Variants in ERBB4 observed in about 807,000 individuals in gnomAD.
The protein encoded by ERBB4 is erb-b2 receptor tyrosine kinase 4, also known as receptor tyrosine-protein kinase erbB-4.
In ERBB4, 42 loss-of-function variants were observed where a neutral mutation model predicts 158.0. That is an observed-to-expected ratio of 0.27 (90% CI 0.21 to 0.34). The LOEUF is 0.34. Among genes scored for constraint, ERBB4 ranks in the 10% least tolerant of loss-of-function variants. The pLI is 1.00. For missense variants in ERBB4, 1,333 were observed against 1,624.1 expected (o/e 0.82, Z 3.08); for synonymous variants, 583 against 558.7 (o/e 1.04, Z -0.61).
intron 3 of ERBB4, among the ~76,000 whole-genome samples, chr2:211,863,419 T>C (rs1415725007): frequency 6.6e-6 from 1 of 152,222 alleles, no homozygotes; most frequent in East Asian, 1.9e-4. Flanking sequence ...AGCTTTGTTC[T>C]TCTGCTCTTC....
At chr2:212,409,998 A>C (rs2091451884) in intron 1 of ERBB4, among the ~76,000 whole-genome samples, 1 of 152,068 alleles carries the variant, frequency 6.6e-6, no homozygotes, top group Non-Finnish European at 1.5e-5. Flanking sequence ...GAAAACAATA[A>C]ATCTAAAAAA....
Position 211,591,274 on chromosome 2 carries a change from C to T in ERBB4, c.2301+27903G>A, listed in dbSNP as rs184216202. Among the ~76,000 whole-genome samples, 571 of 152,326 alleles carry T rather than the reference C, an allele frequency of 3.7e-3. 3 individuals carry two copies. The highest frequency in any genetic ancestry group is 0.01 in the Middle Eastern group (3 of 294). ...TTATACATTACAAACATCCATTTAT[C>T]TGCCAACGAAGGGGGATAGATTAGG... is the stretch of plus-strand genomic sequence containing the variant. On this transcript the variant is annotated intron_variant, in intron 19 of 27. Coordinates refer to ENST00000342788, the MANE Select transcript of ERBB4 (RefSeq NM_005235.3).
intron 20 of ERBB4, among the ~76,000 whole-genome samples, chr2:211,506,563 T>G (rs1219949749): frequency 6.6e-6 from 1 of 152,152 alleles, no homozygotes; most frequent in Non-Finnish European, 1.5e-5. Flanking sequence ...ATCAAGTTTC[T>G]GTATCATGGT....
intron 4 of ERBB4, among the ~76,000 whole-genome samples, chr2:211,769,392 C>T (rs2075636015): frequency 1.3e-5 from 2 of 152,174 alleles, no homozygotes; most frequent in South Asian, 4.1e-4. Flanking sequence ...TTGTCCATTT[C>T]CAAAGTTGCT....
intron 3 of ERBB4, among the ~76,000 whole-genome samples, chr2:211,850,536 C>T (rs889338291): frequency 6.6e-6 from 1 of 151,816 alleles, no homozygotes; most frequent in Admixed American, 6.6e-5. Flanking sequence ...CAGCTTTCTA[C>T]AGGCATTCAG....
intron 20 of ERBB4, among the ~76,000 whole-genome samples, chr2:211,526,151 G>A (rs1377009319): frequency 6.6e-6 from 1 of 152,056 alleles, no homozygotes; most frequent in Non-Finnish European, 1.5e-5. Flanking sequence ...GAGACTCAGG[G>A]CTATGCTGGT....
chr2:211,479,099 C>G (rs2065024217), intron 20 of ERBB4, among the ~76,000 whole-genome samples: 1 of 152,100 alleles, frequency 6.6e-6, no homozygotes, highest in South Asian at 2.1e-4. Context: ...TCAGAATCAC[C>G]TAGGAAACTT....
chr2:211,816,473 G>T (rs145730177), intron 3 of ERBB4, among the ~76,000 whole-genome samples: 1 of 149,104 alleles, frequency 6.7e-6, no homozygotes, highest in Non-Finnish European at 1.5e-5. Context: ...TCCAGGAGGT[G>T]GAGGCTGAAG....
chr2:212,472,555 G>A (rs1375221754), intron 1 of ERBB4, among the ~76,000 whole-genome samples: 1 of 151,308 alleles, frequency 6.6e-6, no homozygotes, highest in Non-Finnish European at 1.5e-5. Context: ...CCTACCTTAA[G>A]TAATTCTTAA....
chr2:212,538,634 G>T lies in ERBB4; in HGVS notation c.-104C>A. 4.9e-6 allele frequency: 6 copies of T among 1,213,428 alleles called. No homozygotes were observed. Among genetic ancestry groups the T allele is most frequent in the Non-Finnish European group, 7.2e-6 (6 of 831,370 alleles). 75.2% of individuals were successfully genotyped at this position (1,213,428 alleles called of 1,614,324 possible). A position where few individuals can be genotyped will look rare whatever the true frequency, so the allele number is the denominator to read the frequency against. On this transcript the variant is annotated 5_prime_UTR_variant, in exon 1 of 28. Transcript: ENST00000342788. Reference sequence around the variant, plus strand: ...CCCCCAGCCGGGCGCGCGTGGGGGTGCGAGGGGGGCGGGCGCGGCGCGCGC... The same window carrying T: ...CCCCCAGCCGGGCGCGCGTGGGGGTTCGAGGGGGGCGGGCGCGGCGCGCGC...
At chr2:212,121,404 G>C (rs984979281) in intron 2 of ERBB4, among the ~76,000 whole-genome samples, 1 of 152,094 alleles carries the variant, frequency 6.6e-6, no homozygotes, top group African/African-American at 2.4e-5. Context: ...GTCGAGACGA[G>C]GTTTCACTAT....
intron 20 of ERBB4, among the ~76,000 whole-genome samples, chr2:211,447,033 A>G (rs917693689): frequency 2.0e-5 from 3 of 152,180 alleles, no homozygotes; most frequent in African/African-American, 7.2e-5. Flanking sequence ...TTCACAAGTC[A>G]TGGTACCGAA....
chr2:211,666,377 C>G (rs1344900920), intron 14 of ERBB4, among the ~76,000 whole-genome samples: 1 of 151,946 alleles, frequency 6.6e-6, no homozygotes, highest in Non-Finnish European at 1.5e-5. Flanking sequence ...CAAACTCATT[C>G]TATATATTTA....
chr2:212,253,095 A>G (rs907025240), intron 1 of ERBB4, among the ~76,000 whole-genome samples: 12 of 152,000 alleles, frequency 7.9e-5, no homozygotes, highest in African/African-American at 2.7e-4. Context: ...TTAGAATCAA[A>G]TGTCTGTAGA....
chr2:211,561,898 C>G lies in ERBB4; in HGVS notation c.2487+5G>C, dbSNP rs569129845. The G allele has an allele frequency of 6.2e-7, 1 of 1,613,300 alleles. No individual in the cohort carries two copies. On this transcript the variant is annotated splice_donor_5th_base_variant and intron_variant, in intron 20 of 27. Transcript: ENST00000342788. ...TAATTTCCATAGAAATTGACAGGCA[C>G]TTACCTTAGCTATCTGGACACACCA...
chr2:212,430,868 C>A (rs2092012578), intron 1 of ERBB4, among the ~76,000 whole-genome samples: 1 of 151,894 alleles, frequency 6.6e-6, no homozygotes, highest in African/African-American at 2.4e-5. Flanking sequence ...GAGGGAGAGA[C>A]AGAGACAGTG....
At chr2:211,907,708 T>C (rs1473183428) in intron 3 of ERBB4, among the ~76,000 whole-genome samples, 1 of 151,574 alleles carries the variant, frequency 6.6e-6, no homozygotes, top group Non-Finnish European at 1.5e-5. Flanking sequence ...GGTCAGACTA[T>C]ACCTATTTAA....
chr2:211,761,190 CAAAAAAAA>C (rs58277006), intron 4 of ERBB4, among the ~76,000 whole-genome samples: 19,658 of 89,958 alleles, frequency 0.22, 1,504 homozygotes, highest in East Asian at 0.45. Flanking sequence ...TGAGATTCCT[CAAAAAAAA>C]AAAAAAAAAA....
chr2:212,397,070 T>C (rs1022080297), intron 1 of ERBB4, among the ~76,000 whole-genome samples: 8 of 152,218 alleles, frequency 5.3e-5, no homozygotes, highest in Admixed American at 1.3e-4. Context: ...TTTTAAATAA[T>C]CTTTACCATA....
Sources: allele counts gnomAD v4.1 joint callset (sites outside exome capture counted in the v4.1 genomes callset), GRCh38; gene constraint gnomAD v4.1.1; transcripts MANE v1.5; gene names NCBI Gene and HGNC (gene_info 2026-07-23, HGNC 2026-07-21).